The following ATM variants were observed in gnomAD, a reference collection of about 807,000 sequenced individuals.
ATM encodes the protein serine-protein kinase ATM.
In ATM, 308 loss-of-function variants were observed where a neutral mutation model predicts 387.0. The ratio of observed to expected loss-of-function variants is 0.80; its 90% CI spans 0.73 to 0.87. The LOEUF is 0.87. Ranked by LOEUF, ATM falls within the 40% of genes least tolerant of loss-of-function variation. The pLI is 0.00. For synonymous variants in ATM, 1,156 were observed against 1,187.3 expected (o/e 0.97, Z 0.54); for missense variants, 3,312 against 3,560.9 (o/e 0.93, Z 1.78).
chr11:108,276,947 C>T (rs543737547), intron 22 of ATM, among the ~76,000 whole-genome samples: 13 of 152,214 alleles, frequency 8.5e-5, no homozygotes, highest in South Asian at 4.1e-4. Context: ...CGTTTAAGTC[C>T]GCTGAAGCTG....
Position 108,299,904 on chromosome 11 carries a change from C to T in ATM, c.5177+19C>T, listed in dbSNP as rs2135893863. ...AAGATTGGTGAGTATTTATTGATAC[C>T]TTATATGTAATCTCAATATGACATT... On this transcript the variant is annotated intron_variant, in intron 34 of 62. Coordinates refer to ENST00000675843, the MANE Select transcript of ATM (RefSeq NM_000051.4). 6.2e-7 allele frequency: 1 copy of T among 1,600,218 alleles called. No individual in the cohort carries two copies. The highest frequency in any genetic ancestry group is 8.6e-7 in the Non-Finnish European group (1 of 1,168,104).
chr11:108,242,060 G>A (rs1234583103), intron 5 of ATM, among the ~76,000 whole-genome samples: 2 of 151,680 alleles, frequency 1.3e-5, no homozygotes, highest in African/African-American at 2.4e-5. Flanking sequence ...GAAGTGGGAG[G>A]ATCACTTGAG....
intron 22 of ATM, 34 bp from the exon 23 acceptor site, chr11:108,279,457 C>G: frequency 6.8e-7 from 1 of 1,461,836 alleles, no homozygotes; most frequent in Non-Finnish European, 9.4e-7. Context: ...AATTATTTCA[C>G]TTTTTGTTTG....
chr11:108,283,626 T>G (rs1321104899), intron 25 of ATM, among the ~76,000 whole-genome samples: 2 of 152,198 alleles, frequency 1.3e-5, no homozygotes, highest in African/African-American at 2.4e-5. Flanking sequence ...GTCCTTATAG[T>G]TCATTCATTT....
chr11:108,343,787 A>T (rs757075362), intron 57 of ATM, among the ~76,000 whole-genome samples: 1 of 152,172 alleles, frequency 6.6e-6, no homozygotes, highest in Non-Finnish European at 1.5e-5. Context: ...TCTCTAAAAA[A>T]CAAACACAGT....
rs2135975343 is a variant in ATM at position 108,307,886 on chromosome 11, T to C, written c.5675-11T>C. On this transcript the variant is annotated splice_polypyrimidine_tract_variant and intron_variant, in intron 37 of 62. Coordinates refer to ENST00000675843, the MANE Select transcript of ATM (RefSeq NM_000051.4). The stretch of plus-strand genomic sequence containing the variant: ...TGCCTGGGACTGAGGGGAGATATTT[T>C]TGTTTGTCAGAGTCAGAGCACTTTT... 1.2e-6 allele frequency: 2 copies of C among 1,604,278 alleles called. No homozygotes were observed. Among genetic ancestry groups the C allele is most frequent in the Non-Finnish European group, 1.7e-6 (2 of 1,171,394 alleles).
intron 3 of ATM, among the ~76,000 whole-genome samples, chr11:108,228,256 T>A (rs1355273697): frequency 6.6e-6 from 1 of 152,224 alleles, no homozygotes; most frequent in Non-Finnish European, 1.5e-5. Flanking sequence ...AAGTAAATGC[T>A]GTGTGTTAAA....
At chr11:108,299,307 C>T (rs4988027) in intron 33 of ATM, among the ~76,000 whole-genome samples, 3,924 of 124,516 alleles carry the variant, frequency 0.032, 183 homozygotes, top group African/African-American at 0.11. Context: ...AAGGTTGATT[C>T]TCTCTCTCTT....
At chr11:108,279,925 G>C (rs1471100325) in intron 23 of ATM, among the ~76,000 whole-genome samples, 2 of 152,112 alleles carry the variant, frequency 1.3e-5, no homozygotes, top group Non-Finnish European at 2.9e-5. Context: ...CTAATTAAGG[G>C]AACAGGTGAC....
chr11:108,229,681 G>T, intron 4 of ATM: 1 of 218,560 alleles, frequency 4.6e-6, no homozygotes, highest in South Asian at 6.6e-5. Flanking sequence ...GAGGATTGAA[G>T]GGATTTATTT....
At chr11:108,280,940 T>G (rs1428166368) in intron 23 of ATM, 55 bp from the exon 24 acceptor site, 15 of 1,508,338 alleles carry the variant, frequency 9.9e-6, no homozygotes, top group Non-Finnish European at 1.3e-5. Flanking sequence ...ATTTTATAAT[T>G]GATTGTTAAA....
chr11:108,335,300 A>T (rs1022444077), intron 55 of ATM, 191 bp downstream of exon 55: 3 of 1,500,646 alleles, frequency 2.0e-6, no homozygotes, highest in Non-Finnish European at 2.7e-6. Context: ...TCTCTGAAAG[A>T]CAATCATTAT....
intron 19 of ATM, 25 bp downstream of exon 19, chr11:108,271,171 T>G (rs1265358996): frequency 6.2e-7 from 1 of 1,613,770 alleles, no homozygotes; most frequent in Admixed American, 1.7e-5. Context: ...CCTTATGTTA[T>G]GTTCACTTTA....
intron 24 of ATM, among the ~76,000 whole-genome samples, chr11:108,281,528 G>A (rs1159134827): frequency 1.3e-5 from 2 of 152,212 alleles, no homozygotes; most frequent in Admixed American, 1.3e-4. Context: ...AGCACATTGG[G>A]ATCCAGCAGG....
At chr11:108,327,811 A>G in intron 48 of ATM, 53 bp downstream of exon 48, 2 of 1,260,234 alleles carry the variant, frequency 1.6e-6, no homozygotes, top group Non-Finnish European at 2.3e-6. Flanking sequence ...AATATGCTTC[A>G]TCTTTTCATC....
At chr11:108,249,269 A>G (rs1183196065) in intron 9 of ATM, among the ~76,000 whole-genome samples, 167 bp downstream of exon 9, 2 of 152,220 alleles carry the variant, frequency 1.3e-5, no homozygotes, top group Non-Finnish European at 2.9e-5. Context: ...AAATGAGATC[A>G]ATCATTAATG....
chr11:108,284,469 A>C lies in ATM; in HGVS notation c.3989A>C (p.Lys1330Thr). Reference sequence around the variant, plus strand: ...CTTAAAAGTGAAAACTTATTGGGAAAACAGGTATGGCTTCAATTTTTATGT... The same window carrying C: ...CTTAAAAGTGAAAACTTATTGGGAACACAGGTATGGCTTCAATTTTTATGT... The part of the protein sequence containing the change: ...DMLKSENLLG[K>T]QIDHLFISNL... The change falls in exon 26 of 63, where the codon AAA becomes ACA. Residue 1330 changes from lysine to threonine, a missense_variant. Transcript: ENST00000675843. 6.2e-7 allele frequency: 1 copy of C among 1,613,938 alleles called. No homozygotes were observed. The highest frequency in any genetic ancestry group is 1.1e-5 in the South Asian group (1 of 91,056).
intron 8 of ATM, 100 bp downstream of exon 8, chr11:108,247,227 C>T (rs1187601306): frequency 2.6e-6 from 3 of 1,154,962 alleles, no homozygotes; most frequent in Non-Finnish European, 3.9e-6. Context: ...CACAAAAAGC[C>T]TATAAAATGA....
At chr11:108,326,986 C>T (rs1046257647) in intron 47 of ATM, among the ~76,000 whole-genome samples, 1 of 152,124 alleles carries the variant, frequency 6.6e-6, no homozygotes, top group Non-Finnish European at 1.5e-5. Context: ...CCACCATGCC[C>T]AGCTAATTTT....
Sources: gnomAD v4.1 joint callset for allele counts (sites outside exome capture counted in the v4.1 genomes callset) on GRCh38, gnomAD v4.1.1 for gene constraint, MANE v1.5 for transcripts, NCBI Gene and HGNC (gene_info 2026-07-23, HGNC 2026-07-21) for gene names.